ZNF385D: variants seen among roughly 807,000 people sequenced by gnomAD.
ZNF385D encodes zinc finger protein 659.
A neutral mutation model predicts 35.8 loss-of-function variants in ZNF385D; 15 were observed. The ratio of observed to expected loss-of-function variants is 0.42; its 90% CI spans 0.28 to 0.64. The LOEUF (loss-of-function observed/expected upper bound fraction) is 0.64, where lower values mean the gene tolerates loss of function less well. Among genes scored for constraint, ZNF385D ranks in the 30% least tolerant of loss-of-function variants. ZNF385D has a pLI of 0.23. For missense variants in ZNF385D, 474 were observed against 494.6 expected (o/e 0.96, Z 0.39); for synonymous variants, 212 against 186.8 (o/e 1.13, Z -1.10).
intron 3 of ZNF385D, among the ~76,000 whole-genome samples, chr3:21,825,556 C>T (rs963356226): frequency 1.3e-5 from 2 of 152,088 alleles, no homozygotes; most frequent in African/African-American, 4.8e-5. Flanking sequence ...GACATAGGCC[C>T]TAAATTTTCA....
intron 3 of ZNF385D, among the ~76,000 whole-genome samples, chr3:22,093,511 T>A (rs1399697748): frequency 6.6e-6 from 1 of 152,062 alleles, no homozygotes; most frequent in Non-Finnish European, 1.5e-5. Context: ...AAAGGTCTAT[T>A]TATTTATAAG....
chr3:22,111,835 G>A (rs998355817), intron 3 of ZNF385D, among the ~76,000 whole-genome samples: 1 of 152,032 alleles, frequency 6.6e-6, no homozygotes, highest in Non-Finnish European at 1.5e-5. Flanking sequence ...CTGTTCTATT[G>A]GTTTTATAAA....
At chr3:21,913,025 C>A (rs750300066) in intron 3 of ZNF385D, among the ~76,000 whole-genome samples, 7 of 152,064 alleles carry the variant, frequency 4.6e-5, no homozygotes, top group Non-Finnish European at 8.8e-5. Flanking sequence ...GGATGGGATT[C>A]TCACTTTTGG....
At position 21,951,535 on chromosome 3, in the gene ZNF385D, C is replaced by A. The variant is rs956131032; in HGVS notation, c.325+217282G>T. Among the ~76,000 whole-genome samples the A allele has an allele frequency of 7.3e-5, 11 of 151,628 alleles. No homozygotes were observed. The East Asian group carries it at 1.7e-3, about 24-fold the overall frequency. On this transcript the variant is annotated intron_variant, in intron 3 of 5. Coordinates refer to the ZNF385D transcript ENST00000494108. ...ACTTCCATTCTTCCTATTTGAATAC[C>A]CTTTATTTCTTCCTCTTGCCTGATT...
At chr3:21,828,342 T>C (rs1297970394) in intron 3 of ZNF385D, among the ~76,000 whole-genome samples, 4 of 152,152 alleles carry the variant, frequency 2.6e-5, no homozygotes, top group Non-Finnish European at 4.4e-5. Context: ...AAAGTAGAAG[T>C]TAAAATAAGT....
At chr3:21,698,849 T>C (rs2067565932) in intron 1 of ZNF385D, among the ~76,000 whole-genome samples, 1 of 152,084 alleles carries the variant, frequency 6.6e-6, no homozygotes. Flanking sequence ...CAACAGATGC[T>C]GGAGAGGCTG....
intron 2 of ZNF385D, among the ~76,000 whole-genome samples, chr3:21,615,257 C>G (rs780312743): frequency 1.7e-4 from 26 of 152,100 alleles, no homozygotes; most frequent in African/African-American, 6.3e-4. Context: ...CTTGCTTCCT[C>G]TCTCAGCATG....
chr3:21,431,137 A>G (rs1265906005), intron 5 of ZNF385D: 1 of 152,158 alleles, frequency 6.6e-6, no homozygotes, highest in African/African-American at 2.4e-5. Flanking sequence ...TGAGGCATAG[A>G]CAGGAAAAAT....
intron 3 of ZNF385D, among the ~76,000 whole-genome samples, chr3:21,917,579 T>C (rs559659930): frequency 6.6e-6 from 1 of 152,326 alleles, no homozygotes; most frequent in African/African-American, 2.4e-5. Context: ...CTTTAAGAGT[T>C]TCATGTACTG....
At chr3:21,602,864 C>T (rs1283355670) in intron 2 of ZNF385D, among the ~76,000 whole-genome samples, 1 of 152,072 alleles carries the variant, frequency 6.6e-6, no homozygotes, top group Non-Finnish European at 1.5e-5. Context: ...AAACAGAACT[C>T]GGCCCACATG....
chr3:21,422,477 C>T (rs1700788016), intron 7 of ZNF385D, among the ~76,000 whole-genome samples: 1 of 152,122 alleles, frequency 6.6e-6, no homozygotes, highest in African/African-American at 2.4e-5. Context: ...AGGAACTTCT[C>T]CCTAACTCAT....
chr3:21,733,241 C>T (rs1347806319), intron 1 of ZNF385D, among the ~76,000 whole-genome samples: 3 of 151,914 alleles, frequency 2.0e-5, no homozygotes, highest in African/African-American at 7.3e-5. Context: ...TTCTATTGAC[C>T]TATTGTTTAT....
intron 3 of ZNF385D, among the ~76,000 whole-genome samples, chr3:22,088,630 G>A (rs1019464784): frequency 1.3e-5 from 2 of 152,172 alleles, no homozygotes; most frequent in African/African-American, 4.8e-5. Flanking sequence ...ACTTGTAGAT[G>A]TGCCAGAACC....
rs146697987 is a variant in ZNF385D, at chr3:21,850,605, A to T, written c.326-185577T>A. Among the ~76,000 whole-genome samples the T allele has an allele frequency of 5.7e-3, 868 of 152,250 alleles. 8 individuals are homozygous for T. The highest frequency in any genetic ancestry group is 0.02 in the African/African-American group (833 of 41,576). ...TAAGGTAAGACTTCCCCAAGCCAGA[A>T]AAGATCAATTAATGGAGACAGGACA... On this transcript the variant is annotated intron_variant, in intron 3 of 5. Coordinates refer to the ZNF385D transcript ENST00000494108.
intron 3 of ZNF385D, among the ~76,000 whole-genome samples, chr3:21,830,536 C>T (rs193259780): frequency 4.1e-4 from 63 of 152,314 alleles, no homozygotes; most frequent in Admixed American, 3.5e-3. Context: ...TAAATTGATT[C>T]TGTAGCCAGG....
At chr3:22,186,549 C>A (rs1435684904) in intron 2 of ZNF385D, among the ~76,000 whole-genome samples, 1 of 152,138 alleles carries the variant, frequency 6.6e-6, no homozygotes, top group Non-Finnish European at 1.5e-5. Context: ...TTTCACTTTA[C>A]CTGTCCTGAT....
intron 2 of ZNF385D, among the ~76,000 whole-genome samples, chr3:21,599,943 C>T (rs1363325732): frequency 6.6e-6 from 1 of 152,164 alleles, no homozygotes; most frequent in Non-Finnish European, 1.5e-5. Flanking sequence ...AGGTGGTCTG[C>T]TCGGGATACA....
intron 3 of ZNF385D, among the ~76,000 whole-genome samples, chr3:22,110,730 T>C (rs1174140719): frequency 1.3e-5 from 2 of 151,426 alleles, no homozygotes; most frequent in Non-Finnish European, 2.9e-5. Context: ...ATGGCACATG[T>C]ATACATATGT....
At position 21,470,115 on chromosome 3, in the gene ZNF385D, C is replaced by A. The variant is rs148639940; in HGVS notation, c.440-32912G>T. Among the ~76,000 whole-genome samples, 13 of 152,310 alleles carry A rather than the reference C, an allele frequency of 8.5e-5. No homozygotes were observed. The East Asian group carries it at 2.5e-3, about 29-fold the overall frequency. ...TTTTCCCCGTGGAAAAGTACAACTT[C>A]ATTGAATAATTATGGTAAGAGAACC... On this transcript the variant is annotated intron_variant, in intron 4 of 7. Coordinates refer to ENST00000281523, the MANE Select transcript of ZNF385D (RefSeq NM_024697.3).
Sources: gnomAD v4.1 joint callset for allele counts (sites outside exome capture counted in the v4.1 genomes callset) on GRCh38, gnomAD v4.1.1 for gene constraint, MANE v1.5 for transcripts, NCBI Gene and HGNC (gene_info 2026-07-23, HGNC 2026-07-21) for gene names.